The following MAGI1 variants were observed in gnomAD, a reference collection of about 807,000 sequenced individuals.
The protein encoded by MAGI1 is membrane associated guanylate kinase, WW and PDZ domain containing 1, also known as membrane-associated guanylate kinase, WW and PDZ domain-containing protein 1.
Under a neutral mutation model 139.9 loss-of-function variants are expected in MAGI1, and 58 were observed. The observed-to-expected ratio is 0.41, with a 90% CI of 0.34 to 0.52. The LOEUF is 0.52. Among genes scored for constraint, MAGI1 ranks in the 20% least tolerant of loss-of-function variants. The pLI, the probability that MAGI1 is intolerant of heterozygous loss-of-function variation, is 0.12. For synonymous variants in MAGI1, 812 were observed against 737.9 expected (o/e 1.10, Z -1.63); for missense variants, 1,874 against 1,901.6 (o/e 0.99, Z 0.27).
rs148658384 is a variant in MAGI1, at chr3:65,433,791, G to T, written c.1364-2910C>A. Among the ~76,000 whole-genome samples the T allele has an allele frequency of 3.9e-5, 6 of 151,974 alleles. 1 individual carries two copies. The South Asian group carries it at 1.0e-3, about 26-fold the overall frequency. On this transcript the variant is annotated intron_variant, in intron 10 of 22. Transcript: ENST00000402939. ...TAGGTGCATGTTTCCCTGCCAGGAT[G>T]GGGGGAGGGGAAAGAAATGTCACTT...
At chr3:65,676,720 TCTC>T (rs1559777443) in intron 1 of MAGI1, among the ~76,000 whole-genome samples, 2 of 152,316 alleles carry the variant, frequency 1.3e-5, no homozygotes, top group South Asian at 4.1e-4. Context: ...ACCCCCTTCT[TCTC>T]ATTCTCAACT....
chr3:65,376,837 G>A (rs894622457), intron 17 of MAGI1, among the ~76,000 whole-genome samples: 4 of 152,136 alleles, frequency 2.6e-5, no homozygotes, highest in Admixed American at 6.5e-5. Context: ...ATCAAAGACC[G>A]AGAAAAGTGC....
At chr3:65,762,727 C>CT (rs1559858542) in intron 1 of MAGI1, among the ~76,000 whole-genome samples, 1 of 152,162 alleles carries the variant, frequency 6.6e-6, no homozygotes, top group African/African-American at 2.4e-5. Context: ...TGAATTCTTA[C>CT]ACCACCCACT....
intron 12 of MAGI1, among the ~76,000 whole-genome samples, chr3:65,409,240 AAAAGC>A (rs1175474620): frequency 6.6e-6 from 1 of 152,244 alleles, no homozygotes; most frequent in African/African-American, 2.4e-5. Context: ...TTAAAAGAGA[AAAAGC>A]AAAGCAACCG....
chr3:65,606,544 A>C (rs1245485553), intron 2 of MAGI1, among the ~76,000 whole-genome samples: 1 of 151,640 alleles, frequency 6.6e-6, no homozygotes, highest in Non-Finnish European at 1.5e-5. Context: ...TTGAGATCGA[A>C]TCTTGCTCTG....
chr3:66,010,560 C>T (rs1202609047), intron 1 of MAGI1, among the ~76,000 whole-genome samples: 1 of 152,178 alleles, frequency 6.6e-6, no homozygotes, highest in African/African-American at 2.4e-5. Context: ...TGAAAACAAG[C>T]ACACTTCTAG....
At chr3:65,446,855 G>C (rs1168252972) in intron 7 of MAGI1, among the ~76,000 whole-genome samples, 2 of 152,208 alleles carry the variant, frequency 1.3e-5, no homozygotes, top group African/African-American at 2.4e-5. Flanking sequence ...TCCATCAATA[G>C]TTATTGACCA....
At position 65,761,995 on chromosome 3, in the gene MAGI1, C is replaced by A. The variant is rs949471377; in HGVS notation, c.314-139907G>T. ...ACTGCTTAACCCTTCCATATCCACA[C>A]CTCAATAGAGCAGACTGGAGTAAGA... On this transcript the variant is annotated intron_variant, in intron 1 of 22. Coordinates refer to ENST00000402939, the MANE Select transcript of MAGI1 (RefSeq NM_001033057.2). Among the ~76,000 whole-genome samples the A allele has an allele frequency of 1.5e-4, 23 of 152,254 alleles. No homozygotes were observed. In the Middle Eastern group the frequency reaches 0.014, roughly 90 times the overall value.
intron 1 of MAGI1, among the ~76,000 whole-genome samples, chr3:65,829,019 C>A (rs751042885): frequency 6.6e-6 from 1 of 152,250 alleles, no homozygotes; most frequent in Non-Finnish European, 1.5e-5. Flanking sequence ...ATTTTGCCAA[C>A]AACCCAAAAA....
intron 12 of MAGI1, among the ~76,000 whole-genome samples, chr3:65,409,474 G>A (rs897060363): frequency 6.6e-5 from 10 of 152,140 alleles, no homozygotes; most frequent in Admixed American, 1.3e-4. Flanking sequence ...AGCTTTTCTT[G>A]TTGTTGTTTT....
intron 7 of MAGI1, among the ~76,000 whole-genome samples, chr3:65,445,156 T>A (rs1452239613): frequency 3.3e-5 from 5 of 152,230 alleles, no homozygotes; most frequent in African/African-American, 1.2e-4. Context: ...GTGGCTAAGA[T>A]CCTTTTGGCA....
At chr3:65,476,426 G>A (rs939907078) in intron 4 of MAGI1, among the ~76,000 whole-genome samples, 6 of 152,148 alleles carry the variant, frequency 3.9e-5, no homozygotes, top group African/African-American at 1.4e-4. Flanking sequence ...GATGATCTGG[G>A]CCCACAAGTT....
intron 1 of MAGI1, among the ~76,000 whole-genome samples, chr3:65,789,993 A>T (rs1394604474): frequency 2.6e-5 from 4 of 152,240 alleles, no homozygotes; most frequent in Non-Finnish European, 1.5e-5. Flanking sequence ...AAGCAGAATC[A>T]GTAATGATTA....
intron 1 of MAGI1, among the ~76,000 whole-genome samples, chr3:65,626,464 A>G (rs551104359): frequency 6.6e-6 from 1 of 152,272 alleles, no homozygotes; most frequent in South Asian, 2.1e-4. Flanking sequence ...AGCTGGGACT[A>G]CAGGCATGCA....
chr3:65,870,593 A>G (rs1559962441), intron 1 of MAGI1, among the ~76,000 whole-genome samples: 1 of 145,508 alleles, frequency 6.9e-6, no homozygotes. Flanking sequence ...AGAAGGAGGG[A>G]GGGAGAGGAG....
At position 65,902,122 on chromosome 3, in the gene MAGI1, G is replaced by A. The variant is rs373413608; in HGVS notation, c.313+135874C>T. Among the ~76,000 whole-genome samples the A allele has an allele frequency of 1.4e-3, 209 of 152,178 alleles. 1 individual carries two copies. The highest frequency in any genetic ancestry group is 3.7e-3 in the South Asian group (18 of 4,826). On this transcript the variant is annotated intron_variant, in intron 1 of 22. Transcript: ENST00000402939. ...TAGCAATAGTAGGGAATAAATGTCT[G>A]GATTTGCTTATGTTTACTAAACAAT...
intron 12 of MAGI1, among the ~76,000 whole-genome samples, chr3:65,418,730 C>T (rs561831437): frequency 3.3e-5 from 5 of 152,306 alleles, no homozygotes; most frequent in South Asian, 2.1e-4. Flanking sequence ...ACTCCACACC[C>T]GTCTCCAGGA....
intron 1 of MAGI1, among the ~76,000 whole-genome samples, chr3:65,937,494 T>C (rs2063121394): frequency 6.6e-6 from 1 of 152,032 alleles, no homozygotes; most frequent in Non-Finnish European, 1.5e-5. Context: ...TGTCAGGGGC[T>C]GAGAGCACTC....
intron 3 of MAGI1, among the ~76,000 whole-genome samples, chr3:65,492,936 G>A (rs535766795): frequency 6.6e-6 from 1 of 152,078 alleles, no homozygotes; most frequent in African/African-American, 2.4e-5. Context: ...AAATTAGCCG[G>A]GCATGGTGGC....
Sources: gnomAD v4.1 joint callset for allele counts (sites outside exome capture counted in the v4.1 genomes callset) on GRCh38, gnomAD v4.1.1 for gene constraint, MANE v1.5 for transcripts, NCBI Gene and HGNC (gene_info 2026-07-23, HGNC 2026-07-21) for gene names.